Variants in TBC1D4 observed in about 807,000 individuals in gnomAD.
TBC1D4 encodes TBC1 domain family member 4, also known as TBC (Tre-2, BUB2, CDC16) domain-containing protein.
Under a neutral mutation model 142.5 loss-of-function variants are expected in TBC1D4, and 121 were observed. The ratio of observed to expected loss-of-function variants is 0.85; its 90% CI spans 0.73 to 0.99. The LOEUF is 0.99. Among genes scored for constraint, TBC1D4 ranks in the 50% least tolerant of loss-of-function variants. TBC1D4 has a pLI of 0.00. For synonymous variants in TBC1D4, 630 were observed against 628.2 expected, an observed-to-expected ratio of 1.00 and a Z score of -0.04; for missense variants, 1,475 against 1,606.6, an observed-to-expected ratio of 0.92 and a Z score of 1.40.
intron 1 of TBC1D4, among the ~76,000 whole-genome samples, chr13:75,412,251 A>G (rs1176928934): frequency 6.6e-6 from 1 of 152,096 alleles, no homozygotes; most frequent in African/African-American, 2.4e-5. Context: ...TTCTAAATGC[A>G]CAGATGGCCT....
rs139735917 is a variant in TBC1D4, at chr13:75,465,742, T to C, written c.498+15528A>G. On this transcript the variant is annotated intron_variant, in intron 1 of 20. Coordinates refer to ENST00000377636, the MANE Select transcript of TBC1D4 (RefSeq NM_014832.5). Reference sequence around the variant, plus strand: ...TTGTAATTACTGATAGAACAGACTCTTTAAGTCTGACAAGAAACATTTAAA... The same window carrying C: ...TTGTAATTACTGATAGAACAGACTCCTTAAGTCTGACAAGAAACATTTAAA... Among the ~76,000 whole-genome samples the C allele has an allele frequency of 4.3e-3, 649 of 152,248 alleles. 19 individuals carry two copies. Among genetic ancestry groups the C allele is most frequent in the Non-Finnish European group, 1.1e-3 (73 of 68,022 alleles).
rs372765870 is a variant in TBC1D4, at chr13:75,299,542, C to T, written c.2944G>A (p.Val982Ile). 3 of 1,613,980 alleles carry T rather than the reference C, an allele frequency of 1.9e-6. No homozygotes were observed. Among genetic ancestry groups the T allele is most frequent in the African/African-American group, 2.7e-5 (2 of 74,872 alleles). The change falls in exon 17 of 21, where the codon GTA (valine) becomes ATA (isoleucine). Residue 982 changes from valine to isoleucine, a missense_variant. By Grantham distance (29) the Val-to-Ile change is conservative. Transcript: ENST00000377636. ...RTFPTHPYFSVQLGPGQLSLF... is the reference protein window; with the variant it reads ...RTFPTHPYFSIQLGPGQLSLF... Reference sequence around the variant, plus strand: ...GACAGCTGTCCTGGCCCAAGCTGTACTGAAAAGTAAGGGTGAGTAGGAAAC... The same window carrying T: ...GACAGCTGTCCTGGCCCAAGCTGTATTGAAAAGTAAGGGTGAGTAGGAAAC...
intron 15 of TBC1D4, among the ~76,000 whole-genome samples, chr13:75,304,898 A>T (rs111337382): frequency 6.6e-6 from 1 of 152,208 alleles, no homozygotes; most frequent in African/African-American, 2.4e-5. Flanking sequence ...ATACAAGGTA[A>T]GGAGAGATAA....
intron 1 of TBC1D4, among the ~76,000 whole-genome samples, chr13:75,409,887 T>C (rs1795426002): frequency 1.3e-5 from 2 of 152,336 alleles, no homozygotes; most frequent in South Asian, 2.1e-4. Context: ...TGCCCTGCTA[T>C]ATCATCTCTG....
intron 15 of TBC1D4, among the ~76,000 whole-genome samples, chr13:75,303,884 G>A (rs541159896): frequency 8.6e-5 from 13 of 151,984 alleles, no homozygotes; most frequent in Admixed American, 2.0e-4. Context: ...AAGCTCCCTC[G>A]CTTGACTTCC....
At chr13:75,303,736 C>G (rs1011903445) in intron 15 of TBC1D4, among the ~76,000 whole-genome samples, 3 of 152,212 alleles carry the variant, frequency 2.0e-5, no homozygotes, top group African/African-American at 7.2e-5. Context: ...GTTGGCATGA[C>G]TTATGAGGCC....
chr13:75,362,614 G>A lies in TBC1D4; in HGVS notation c.499-7C>T, dbSNP rs779999752. ...TGCTAATAACATCAGGAACCTGGGG[G>A]AAAAAATTAAAACCCTGATTCTAGT... On this transcript the variant is annotated splice_polypyrimidine_tract_variant and splice_region_variant and intron_variant, in intron 1 of 20. Transcript: ENST00000377636. This position sits in a 1 kb window ranked among gnomAD's most constrained non-coding sequence, Gnocchi z 4.2. 2.7e-5 allele frequency: 44 copies of A among 1,613,222 alleles called. No individual in the cohort carries two copies. The highest frequency in any genetic ancestry group is 1.3e-5 in the Non-Finnish European group (15 of 1,179,810).
intron 4 of TBC1D4, among the ~76,000 whole-genome samples, chr13:75,355,549 A>T (rs753173441): frequency 6.6e-6 from 1 of 152,206 alleles, no homozygotes; most frequent in African/African-American, 2.4e-5. Context: ...AGCTCTACGA[A>T]TCTCTCCTTC....
chr13:75,408,096 C>T (rs1433909782), intron 1 of TBC1D4, among the ~76,000 whole-genome samples: 3 of 152,176 alleles, frequency 2.0e-5, no homozygotes, highest in Admixed American at 2.0e-4. Context: ...GTACCCGTCA[C>T]CAATCGCACC....
Position 75,362,175 on chromosome 13 carries a change from CCTG to C in TBC1D4, c.928_930del (p.Gln310del). On this transcript the variant is annotated inframe_deletion, in exon 2 of 21. Coordinates refer to ENST00000377636, the MANE Select transcript of TBC1D4 (RefSeq NM_014832.5). This position sits in a 1 kb window ranked among gnomAD's most constrained non-coding sequence, Gnocchi z 4.2. ...ACACTGCTGCACCGAGACCGAAACTCCTGCTGCTCATCAAAGCCAGAATCTTCC... is the reference window on the plus strand; with the variant it reads ...ACACTGCTGCACCGAGACCGAAACTCCTGCTCATCAAAGCCAGAATCTTCC... 1.2e-6 allele frequency: 2 copies of C among 1,613,700 alleles called. No individual in the cohort carries two copies. Among genetic ancestry groups the C allele is most frequent in the Non-Finnish European group, 1.7e-6 (2 of 1,180,024 alleles).
intron 1 of TBC1D4, among the ~76,000 whole-genome samples, chr13:75,440,490 T>C (rs1886991556): frequency 6.6e-6 from 1 of 151,944 alleles, no homozygotes; most frequent in Non-Finnish European, 1.5e-5. Flanking sequence ...AAGGAATACA[T>C]ATTGAAGAGG....
Position 75,330,323 on chromosome 13 carries a change from G to A in TBC1D4, c.1732-2497C>T, listed in dbSNP as rs549601653. On this transcript the variant is annotated intron_variant, in intron 8 of 20. Coordinates refer to ENST00000377636, the MANE Select transcript of TBC1D4 (RefSeq NM_014832.5). The stretch of plus-strand genomic sequence containing the variant: ...TATTTATGACATCCTATCTTGTTTC[G>A]TAAAGCAATATTTATTCTTATCTGC... Among the ~76,000 whole-genome samples, 12 of 151,820 alleles carry A rather than the reference G, an allele frequency of 7.9e-5. No homozygotes were observed. In the South Asian group the frequency reaches 8.3e-4, roughly 11 times the overall value.
At chr13:75,402,442 C>T (rs180879272) in intron 1 of TBC1D4, among the ~76,000 whole-genome samples, 3 of 152,062 alleles carry the variant, frequency 2.0e-5, no homozygotes, top group Non-Finnish European at 4.4e-5. Context: ...TAAGAACTAA[C>T]CAAGGTTTAT....
At chr13:75,299,823 CAA>C (rs56719877) in intron 16 of TBC1D4, among the ~76,000 whole-genome samples, 3,872 of 105,628 alleles carry the variant, frequency 0.037, 42 homozygotes, top group East Asian at 0.13. Flanking sequence ...TTCTTTCCAG[CAA>C]AAAAAAAAAA....
chr13:75,318,566 C>T (rs1878499705), intron 12 of TBC1D4, among the ~76,000 whole-genome samples: 1 of 152,172 alleles, frequency 6.6e-6, no homozygotes, highest in South Asian at 2.1e-4. Flanking sequence ...CATATTTTTT[C>T]TACAGGATCC....
At chr13:75,423,972 C>T (rs1398270456) in intron 1 of TBC1D4, among the ~76,000 whole-genome samples, 2 of 152,158 alleles carry the variant, frequency 1.3e-5, no homozygotes, top group Non-Finnish European at 2.9e-5. Context: ...TGTTATATTA[C>T]GTGTATTTTT....
intron 1 of TBC1D4, among the ~76,000 whole-genome samples, chr13:75,397,820 G>A (rs555906107): frequency 9.2e-5 from 14 of 152,272 alleles, no homozygotes; most frequent in African/African-American, 3.1e-4. Flanking sequence ...CAAATTATTC[G>A]TAGTTTTCCC....
chr13:75,468,414 G>T lies in TBC1D4; in HGVS notation c.498+12856C>A, dbSNP rs568095990. On this transcript the variant is annotated intron_variant, in intron 1 of 20. Coordinates refer to ENST00000377636, the MANE Select transcript of TBC1D4 (RefSeq NM_014832.5). Reference sequence around the variant, plus strand: ...ATCCAATTATTGCATGGATATATTTGTAAAATCATTAAGGCTGATCATCTT... The same window carrying T: ...ATCCAATTATTGCATGGATATATTTTTAAAATCATTAAGGCTGATCATCTT... 3.3e-5 allele frequency among the ~76,000 whole-genome samples: 5 copies of T among 152,188 alleles called. No homozygotes were observed. The South Asian group carries it at 1.0e-3, about 32-fold the overall frequency.
rs760528845 is a variant in TBC1D4 at position 75,356,155 on chromosome 13, C to T, written c.1267G>A (p.Glu423Lys). 1.5e-5 allele frequency: 24 copies of T among 1,612,808 alleles called. No homozygotes were observed. The highest frequency in any genetic ancestry group is 5.5e-5 in the South Asian group (5 of 90,974). Residue 423 changes from glutamate to lysine, a missense_variant, in exon 4 of 21, where the codon GAA becomes AAA. Transcript: ENST00000377636. ...GCAATAACACTACTTACCAGAGATT[C>T]GCTGGCACACTGGAATACATAACAA... Reference protein sequence around the residue: ...YICYVFQCASESLVDEVMLTL... With the variant: ...YICYVFQCASKSLVDEVMLTL...
Sources: gnomAD v4.1 joint callset for allele counts (sites outside exome capture counted in the v4.1 genomes callset) on GRCh38, gnomAD v4.1.1 for gene constraint, Gnocchi (gnomAD v3.1) non-coding constraint, MANE v1.5 for transcripts, NCBI Gene and HGNC (gene_info 2026-07-23, HGNC 2026-07-21) for gene names.